Variants in ZNF182 observed in about 807,000 individuals in gnomAD.
ZNF182 encodes zinc finger protein 182.
Under a neutral mutation model 28.1 loss-of-function variants are expected in ZNF182, and 10 were observed. The observed-to-expected ratio is 0.36, with a 90% CI of 0.22 to 0.60. ZNF182 has a LOEUF of 0.60. Ranked by LOEUF, ZNF182 falls within the 20% of genes least tolerant of loss-of-function variation. The probability of loss-of-function intolerance (pLI) is 0.75; values close to 1 mark genes in which losing one functional copy is unlikely to be tolerated. For synonymous variants in ZNF182, 156 were observed against 158.7 expected (o/e 0.98, Z 0.13); for missense variants, 352 against 453.2 (o/e 0.78, Z 2.03).
intron 3 of ZNF182, among the ~76,000 whole-genome samples, chrX:47,983,836 T>C (rs782769421): frequency 3.6e-5 from 4 of 111,707 alleles, no homozygotes; most frequent in South Asian, 3.7e-4. Flanking sequence ...AAATCGTAAA[T>C]CTAATGTGAG....
Position 47,983,285 on chromosome X carries a change from C to T in ZNF182, c.142G>A (p.Gly48Arg). The change falls in exon 4 of 6, where the codon GGG becomes AGG. Residue 48 changes from glycine to arginine, a missense_variant and splice_region_variant. Gly to Arg is a moderately radical substitution (Grantham distance 125). Coordinates refer to ENST00000376943, the MANE Select transcript of ZNF182 (RefSeq NM_001007088.2). Reference sequence around the variant, plus strand: ...AATTACCTAAGGAAGCTATTCTTACCCACAAAGACCAAGTTGCTGTAGGTC... The same window carrying T: ...AATTACCTAAGGAAGCTATTCTTACTCACAAAGACCAAGTTGCTGTAGGTC... Reference protein sequence around the residue: ...LETYSNLVFVGQQVTKPNLIL... With the variant: ...LETYSNLVFVRQQVTKPNLIL... 1 of 1,211,110 alleles carries T rather than the reference C, an allele frequency of 8.3e-7. No individual in the cohort carries two copies. Among genetic ancestry groups the T allele is most frequent in the Non-Finnish European group, 1.1e-6 (1 of 895,319 alleles).
intron 3 of ZNF182, among the ~76,000 whole-genome samples, chrX:47,993,163 G>A (rs1224645281): frequency 8.9e-6 from 1 of 112,548 alleles, no homozygotes; most frequent in African/African-American, 3.2e-5. Flanking sequence ...CCCATGTTAT[G>A]GAACTGCCAT....
chrX:47,978,320 CAGCCTCCCAA>C (rs1361927379), intron 5 of ZNF182, among the ~76,000 whole-genome samples: 2 of 111,057 alleles, frequency 1.8e-5, no homozygotes, highest in Admixed American at 1.9e-4. Context: ...CCTCCCGCCT[CAGCCTCCCAA>C]AGTGCTGGGA....
intron 3 of ZNF182, among the ~76,000 whole-genome samples, chrX:48,000,742 T>C (rs1185480678): frequency 9.0e-6 from 1 of 110,964 alleles, no homozygotes; most frequent in Non-Finnish European, 1.9e-5. Flanking sequence ...AATTAAAAAT[T>C]CTTGCTCTGC....
intron 3 of ZNF182, among the ~76,000 whole-genome samples, chrX:47,997,316 T>TAAAA (rs35766283): frequency 1.5e-5 from 1 of 65,560 alleles, no homozygotes; most frequent in Non-Finnish European, 2.9e-5. Flanking sequence ...GAGATCCTGC[T>TAAAA]AAAAAAAAAA....
At chrX:47,996,997 C>T (rs1266350151) in intron 3 of ZNF182, among the ~76,000 whole-genome samples, 1 of 111,564 alleles carries the variant, frequency 9.0e-6, no homozygotes, top group Non-Finnish European at 1.9e-5. Context: ...TTATGGCAGC[C>T]CGAGCAGACT....
At chrX:47,984,528 A>G (rs2058917263) in intron 3 of ZNF182, among the ~76,000 whole-genome samples, 1 of 111,339 alleles carries the variant, frequency 9.0e-6, no homozygotes, top group South Asian at 3.7e-4. Context: ...GTCCATCAAC[A>G]GTAGAATGGG....
In ZNF182 at chrX:47,975,436, A is replaced by C. The variant is rs1176615744; in HGVS notation, c.*731T>G. 1 of 112,070 alleles carries C rather than the reference A, an allele frequency of 8.9e-6. No individual in the cohort carries two copies. The highest frequency in any genetic ancestry group is 3.3e-5 in the African/African-American group (1 of 30,743). 9.2% of individuals were successfully genotyped at this position (112,070 alleles called of 1,213,427 possible). A position where few individuals can be genotyped will look rare whatever the true frequency, so the allele number is the denominator to read the frequency against. The stretch of plus-strand genomic sequence containing the variant: ...CTTTTGAATAATTCCTCTTTGAATG[A>C]GAAGAGTTTTTCCTGGACTTGCTAT... On this transcript the variant is annotated 3_prime_UTR_variant, in exon 6 of 6. Transcript: ENST00000376943.
chrX:48,002,801 C>A, intron 2 of ZNF182, 148 bp from the exon 3 acceptor site: 1 of 482,671 alleles, frequency 2.1e-6, no homozygotes, highest in South Asian at 3.2e-5. Flanking sequence ...TTTTAACAAT[C>A]TGTGTATTAT....
At chrX:47,987,719 T>C (rs1556899949) in intron 3 of ZNF182, among the ~76,000 whole-genome samples, 1 of 111,999 alleles carries the variant, frequency 8.9e-6, no homozygotes, top group Admixed American at 9.4e-5. Context: ...TAGATATATA[T>C]GTACATACAC....
At chrX:47,983,250 T>C in intron 4 of ZNF182, 35 bp downstream of exon 4, 4 of 1,209,999 alleles carry the variant, frequency 3.3e-6, no homozygotes, top group Non-Finnish European at 3.4e-6. Flanking sequence ...GCAATAATCA[T>C]AAACTGCAAA....
At chrX:47,992,942 C>T (rs1369220187) in intron 3 of ZNF182, among the ~76,000 whole-genome samples, 1 of 86,894 alleles carries the variant, frequency 1.2e-5, no homozygotes, top group Non-Finnish European at 2.7e-5. Flanking sequence ...CACTAAGCTG[C>T]TCACCAGAAT....
In ZNF182 at chrX:47,977,529, T is replaced by C; in HGVS notation, c.501A>G (p.Gly167=). 1 of 1,209,349 alleles carries C rather than the reference T, an allele frequency of 8.3e-7. No homozygotes were observed. The highest frequency in any genetic ancestry group is 1.1e-6 in the Non-Finnish European group (1 of 894,658). Residue 167 remains glycine (G), a synonymous_variant, in exon 6 of 6, where the codon GGA becomes GGG. Transcript: ENST00000376943. ...CAGTATGGAAGAACAATTTTGCACA[T>C]CCATTATCATATTTATTTTCTGCAG... ...RSSAENKYDN[G]CAKLFFHTEY...
Position 47,977,023 on chromosome X carries a change from A to G in ZNF182, c.1007T>C (p.Phe336Ser), listed in dbSNP as rs1556898296. ...TYECTKCGES[F>S]IQKLDLIIHH... ...TATAATTAGATCAAGCTTCTGTATG[A>G]AAGATTCTCCACATTTAGTGCATTC... Residue 336 changes from phenylalanine (F) to serine (S), a missense_variant, in exon 6 of 6, where the codon TTC becomes TCC. Transcript: ENST00000376943. The G allele has an allele frequency of 2.5e-6, 3 of 1,206,209 alleles. No homozygotes were observed. Among genetic ancestry groups the G allele is most frequent in the Non-Finnish European group, 3.4e-6 (3 of 893,502 alleles).
In ZNF182 at chrX:47,976,830, C is replaced by A. The variant is rs782785297; in HGVS notation, c.1200G>T (p.Val400=). 1 of 1,208,259 alleles carries A rather than the reference C, an allele frequency of 8.3e-7. No homozygotes were observed. The highest frequency in any genetic ancestry group is 1.8e-5 in the South Asian group (1 of 56,299). The change falls in exon 6 of 6, where the codon GTG becomes GTT. Residue 400 remains valine, a synonymous_variant. Transcript: ENST00000376943. The stretch of plus-strand genomic sequence containing the variant: ...TCTCTCCTGTATGAGTTCTTTGATG[C>A]ACAATGAGGGTTGACTTCTCATTGA... ...KSFNEKSTLI[V]HQRTHTGEKP...
intron 3 of ZNF182, among the ~76,000 whole-genome samples, chrX:47,987,759 G>A (rs1269747121): frequency 8.9e-6 from 1 of 112,036 alleles, no homozygotes; most frequent in African/African-American, 3.2e-5. Flanking sequence ...GGGCCTAGAA[G>A]TAACAATGCC....
chrX:47,988,605 A>G (rs1556900052), intron 3 of ZNF182: 2 of 466,167 alleles, frequency 4.3e-6, no homozygotes. Context: ...TGCTTCTTGT[A>G]CAGCTTGCAG....
rs2058911148 is a variant in ZNF182, at chrX:47,982,946, T to C, written c.232+3A>G. 1 of 1,208,104 alleles carries C rather than the reference T, an allele frequency of 8.3e-7. No homozygotes were observed. The highest frequency in any genetic ancestry group is 2.2e-5 in the Admixed American group (1 of 45,717). The stretch of plus-strand genomic sequence containing the variant: ...CCAGAGCCTGGGTCAAAATTCCACT[T>C]ACCTGGAAAGTTCCAAAATGGGATT... On this transcript the variant is annotated splice_donor_region_variant and intron_variant, in intron 5 of 5. Transcript: ENST00000376943.
chrX:47,978,105 G>A (rs1297663552), intron 5 of ZNF182, among the ~76,000 whole-genome samples: 1 of 111,080 alleles, frequency 9.0e-6, no homozygotes, highest in Non-Finnish European at 1.9e-5. Context: ...TCTCAGCTCT[G>A]TTGCCAGGCT....
Sources: gnomAD v4.1 joint callset for allele counts (sites outside exome capture counted in the v4.1 genomes callset) on GRCh38, gnomAD v4.1.1 for gene constraint, MANE v1.5 for transcripts, NCBI Gene and HGNC (gene_info 2026-07-23, HGNC 2026-07-21) for gene names.